The following SETD5 variants were observed in gnomAD, a reference collection of about 807,000 sequenced individuals.
SETD5 encodes SET domain containing 5, also known as histone-lysine N-methyltransferase SETD5.
A neutral mutation model predicts 153.3 loss-of-function variants in SETD5; 44 were observed. That is an observed-to-expected ratio of 0.29 (90% CI 0.23 to 0.37). The LOEUF (loss-of-function observed/expected upper bound fraction) is 0.37. Among genes scored for constraint, SETD5 ranks in the 10% least tolerant of loss-of-function variants. The pLI is 1.00. For synonymous variants in SETD5, 716 were observed against 645.2 expected (o/e 1.11, Z -1.66); for missense variants, 1,544 against 1,768.0 (o/e 0.87, Z 2.27).
intron 6 of SETD5, among the ~76,000 whole-genome samples, chr3:9,435,174 C>T (rs905396605): frequency 7.0e-6 from 1 of 143,696 alleles, no homozygotes; most frequent in East Asian, 2.1e-4. Flanking sequence ...ACCCGGGAGG[C>T]GGAAGTTGCC....
chr3:9,437,522 C>CGCGTGTGTGTGTGTGTGT (rs1553619050), intron 7 of SETD5, among the ~76,000 whole-genome samples: 55 of 145,122 alleles, frequency 3.8e-4, no homozygotes, highest in African/African-American at 1.3e-3. Flanking sequence ...TCCTCCTTTA[C>CGCGTGTGTGTGTGTGTGT]GTGTGTGTGT....
At chr3:9,405,809 G>T (rs1384592544) in intron 1 of SETD5, among the ~76,000 whole-genome samples, 1 of 151,858 alleles carries the variant, frequency 6.6e-6, no homozygotes, top group African/African-American at 2.4e-5. Flanking sequence ...GTATGAAGGG[G>T]GTTTTTGTTG....
intron 1 of SETD5, among the ~76,000 whole-genome samples, chr3:9,403,348 C>G (rs2035131341): frequency 6.6e-6 from 1 of 152,012 alleles, no homozygotes; most frequent in African/African-American, 2.4e-5. Context: ...CCGAGGAGAC[C>G]CGTTCTAGAG....
intron 1 of SETD5, among the ~76,000 whole-genome samples, chr3:9,417,585 A>T (rs1184452261): frequency 6.7e-6 from 1 of 149,472 alleles, no homozygotes; most frequent in Non-Finnish European, 1.5e-5. Context: ...TCCCGGGTTC[A>T]CGCCATTCTC....
chr3:9,432,815 A>C (rs2040120942), intron 3 of SETD5, among the ~76,000 whole-genome samples: 1 of 152,210 alleles, frequency 6.6e-6, no homozygotes, highest in African/African-American at 2.4e-5. Flanking sequence ...TTTATTTTCT[A>C]CTCACAAAGG....
chr3:9,422,362 A>G (rs559867350), intron 1 of SETD5, among the ~76,000 whole-genome samples: 1 of 152,278 alleles, frequency 6.6e-6, no homozygotes, highest in African/African-American at 2.4e-5. Flanking sequence ...ACTTTCAAAA[A>G]TATCTATGAA....
chr3:9,474,835 A>G, intron 21 of SETD5: 1 of 624,590 alleles, frequency 1.6e-6, no homozygotes, highest in Non-Finnish European at 2.7e-6. Context: ...AGTCCTGGAA[A>G]TCTACCTCGA....
chr3:9,470,633 C>T lies in SETD5; in HGVS notation c.2899C>T (p.Gln967Ter). The T allele has an allele frequency of 6.2e-7, 1 of 1,613,964 alleles. No individual in the cohort carries two copies. Among genetic ancestry groups the T allele is most frequent in the Non-Finnish European group, 8.5e-7 (1 of 1,179,888 alleles). ...GFPSRSGDGHQTLVRNSDQAF... is the reference protein window; with the variant it reads ...GFPSRSGDGH ...CCCAAGCAGAAGTGGAGATGGACAT[C>T]AGACCCTCGTGAGAAACTCAGACCA... Residue 967 changes from glutamine to a stop codon, truncating the protein, a stop_gained, in exon 19 of 23, where the codon CAG (glutamine) becomes TAG (stop). Transcript: ENST00000402198. LOFTEE classifies it high-confidence loss of function.
At chr3:9,468,624 T>G (rs2044914897) in intron 18 of SETD5, 2 of 1,295,580 alleles carry the variant, frequency 1.5e-6, no homozygotes, top group Non-Finnish European at 2.0e-6. Flanking sequence ...GAGTGAGTGT[T>G]CATGAATGTG....
chr3:9,473,229 T>G lies in SETD5; in HGVS notation c.3196-7T>G. Reference sequence around the variant, plus strand: ...CGTTTTTTGTTTGTTTGTTTTTTCCTTTCTAGGTATCCCTGCTGGAGTACC... The same window carrying G: ...CGTTTTTTGTTTGTTTGTTTTTTCCGTTCTAGGTATCCCTGCTGGAGTACC... On this transcript the variant is annotated splice_region_variant and splice_polypyrimidine_tract_variant and intron_variant, in intron 19 of 22. Coordinates refer to ENST00000402198, the MANE Select transcript of SETD5 (RefSeq NM_001080517.3). The G allele has an allele frequency of 6.2e-7, 1 of 1,608,098 alleles. No homozygotes were observed. Among genetic ancestry groups the G allele is most frequent in the Middle Eastern group, 1.7e-4 (1 of 6,038 alleles).
At chr3:9,452,460 C>A (rs551830803) in intron 16 of SETD5, among the ~76,000 whole-genome samples, 1 of 152,102 alleles carries the variant, frequency 6.6e-6, no homozygotes, top group Admixed American at 6.5e-5. Flanking sequence ...TAAGATAGTT[C>A]ATTCTTCGGA....
chr3:9,458,798 TA>T (rs1205611107), intron 17 of SETD5, among the ~76,000 whole-genome samples: 2 of 152,152 alleles, frequency 1.3e-5, no homozygotes, highest in African/African-American at 4.8e-5. Flanking sequence ...CTTAACCTAG[TA>T]GTCGTTCATT....
intron 1 of SETD5, among the ~76,000 whole-genome samples, chr3:9,405,316 A>C (rs1446589559): frequency 1.3e-5 from 2 of 152,224 alleles, no homozygotes; most frequent in Admixed American, 1.3e-4. Flanking sequence ...GTTTTGGAAA[A>C]TACTAATTTG....
rs1040916372 is a variant in SETD5 at position 9,417,947 on chromosome 3, T to G, written c.-176-6520T>G. Among the ~76,000 whole-genome samples the G allele has an allele frequency of 6.0e-4, 90 of 150,022 alleles. 1 individual carries two copies. Among genetic ancestry groups the G allele is most frequent in the African/African-American group, 1.5e-3 (63 of 41,078 alleles). On this transcript the variant is annotated intron_variant, in intron 1 of 22. Coordinates refer to ENST00000402198, the MANE Select transcript of SETD5 (RefSeq NM_001080517.3). ...ACTGCTAGAACAAGAGTTTTGTTTTTTTTTTTTTTTTGAGACGGAGTCTTG... is the reference window on the plus strand; with the variant it reads ...ACTGCTAGAACAAGAGTTTTGTTTTGTTTTTTTTTTTGAGACGGAGTCTTG...
chr3:9,432,050 C>T (rs1361315026), intron 3 of SETD5, among the ~76,000 whole-genome samples: 1 of 151,940 alleles, frequency 6.6e-6, no homozygotes, highest in African/African-American at 2.4e-5. Flanking sequence ...GCTTGTCTGC[C>T]TTTGGTTTCA....
intron 7 of SETD5, 96 bp downstream of exon 7, chr3:9,436,002 A>C: frequency 8.6e-7 from 1 of 1,165,074 alleles, no homozygotes; most frequent in Admixed American, 2.6e-5. Flanking sequence ...AGTTTGATCC[A>C]GGTGTTTGAA....
At chr3:9,408,121 G>T (rs1402666430) in intron 1 of SETD5, among the ~76,000 whole-genome samples, 1 of 152,136 alleles carries the variant, frequency 6.6e-6, no homozygotes, top group Non-Finnish European at 1.5e-5. Flanking sequence ...TCTCAAAAAT[G>T]TCTCAATTTG....
chr3:9,475,451 G>A (rs1471790114), intron 22 of SETD5, 32 bp from the exon 23 acceptor site: 10 of 1,586,332 alleles, frequency 6.3e-6, no homozygotes, highest in African/African-American at 1.4e-5. Context: ...ACTTGTTCGC[G>A]TCCTTATTCG....
In SETD5 at chr3:9,448,486, G is replaced by A. The variant is rs1366397222; in HGVS notation, c.2202G>A (p.Thr734=). The A allele has an allele frequency of 9.3e-6, 15 of 1,613,792 alleles. No homozygotes were observed. Among genetic ancestry groups the A allele is most frequent in the East Asian group, 8.9e-5 (4 of 44,892 alleles). Residue 734 remains threonine, a synonymous_variant, in exon 16 of 23, where the codon ACG becomes ACA. Transcript: ENST00000402198. ...CAACGGATCCAACTGTACTGGCAAC[G>A]ACCCTAAACATGTTACCAGGTCTTA... ...RITTDPTVLA[T]TLNMLPGLIH... is the part of the protein sequence containing the mutation.
Sources: allele counts gnomAD v4.1 joint callset (sites outside exome capture counted in the v4.1 genomes callset), GRCh38; gene constraint gnomAD v4.1.1; transcripts MANE v1.5; gene names NCBI Gene and HGNC (gene_info 2026-07-23, HGNC 2026-07-21).